Variants in FSIP1 observed in about 807,000 individuals in gnomAD.
The protein encoded by FSIP1 is fibrous sheath interacting protein 1, also known as fibrous sheath-interacting protein 1.
Under a neutral mutation model 60.9 loss-of-function variants are expected in FSIP1, and 65 were observed. The ratio of observed to expected loss-of-function variants is 1.07; its 90% confidence interval spans 0.87 to 1.31. The LOEUF is 1.31. Among genes scored for constraint, FSIP1 ranks in the 40% most tolerant of loss-of-function variants. The pLI, the probability that FSIP1 is intolerant of heterozygous loss-of-function variation, is 0.00. For synonymous variants in FSIP1, 209 were observed against 221.2 expected, an observed-to-expected ratio of 0.94 and a Z score of 0.49; for missense variants, 675 against 665.5, an observed-to-expected ratio of 1.01 and a Z score of -0.16.
chr15:39,723,094 T>G (rs1896047713), intron 9 of FSIP1, among the ~76,000 whole-genome samples: 1 of 152,196 alleles, frequency 6.6e-6, no homozygotes, highest in Non-Finnish European at 1.5e-5. Flanking sequence ...TTTATGTATA[T>G]TAACTCAGCT....
chr15:39,738,191 T>C lies in FSIP1; in HGVS notation c.791A>G (p.Glu264Gly). 6.2e-7 allele frequency: 1 copy of C among 1,607,038 alleles called. No individual in the cohort carries two copies. The highest frequency in any genetic ancestry group is 2.2e-5 in the East Asian group (1 of 44,818). ...AACCATAACCACTGGGTTTCTTGAT[T>C]CCTTGGCCAACTACAGAATTTATTA... is the stretch of plus-strand genomic sequence containing the variant. ...FIKRNIELAK[E>G]SRNPVVMVDR... is the part of the protein sequence containing the mutation. Residue 264 changes from glutamate to glycine, a missense_variant, in exon 8 of 12, where the codon GAA becomes GGA. Transcript: ENST00000350221.
At chr15:39,667,815 C>T (rs1453345366) in intron 10 of FSIP1, among the ~76,000 whole-genome samples, 1 of 152,056 alleles carries the variant, frequency 6.6e-6, no homozygotes, top group East Asian at 1.9e-4. Flanking sequence ...TAGGCAAAGG[C>T]CTGAAGCAAG....
intron 10 of FSIP1, among the ~76,000 whole-genome samples, chr15:39,637,248 G>T (rs1289336834): frequency 6.6e-6 from 1 of 152,062 alleles, no homozygotes; most frequent in African/African-American, 2.4e-5. Flanking sequence ...ATCAATCTAG[G>T]TTCTTACTTG....
intron 9 of FSIP1, among the ~76,000 whole-genome samples, chr15:39,723,310 G>A (rs529539440): frequency 1.2e-3 from 190 of 152,198 alleles, no homozygotes; most frequent in Non-Finnish European, 2.1e-3. Flanking sequence ...CTCACTGCAA[G>A]CTCTGCCTCC....
At position 39,628,514 on chromosome 15, in the gene FSIP1, G is replaced by A. The variant is rs117107138; in HGVS notation, c.1189-10269C>T. On this transcript the variant is annotated intron_variant, in intron 10 of 11. Coordinates refer to ENST00000350221, the MANE Select transcript of FSIP1 (RefSeq NM_152597.5). ...CCACTGAGGAATCAAAATGAGGTGC[G>A]AGGTGAGCCATGCACATGTGTGACA... 2.3e-3 allele frequency among the ~76,000 whole-genome samples: 350 copies of A among 152,274 alleles called. 3 individuals are homozygous for A. In the South Asian group the frequency reaches 0.026, roughly 11 times the overall value.
intron 10 of FSIP1, among the ~76,000 whole-genome samples, chr15:39,701,905 A>G (rs1286751847): frequency 6.6e-6 from 1 of 152,156 alleles, no homozygotes; most frequent in Non-Finnish European, 1.5e-5. Flanking sequence ...CTACGTTTAA[A>G]TTATTGTGTT....
chr15:39,766,547 C>T (rs1897696010), intron 3 of FSIP1, among the ~76,000 whole-genome samples: 2 of 152,184 alleles, frequency 1.3e-5, no homozygotes, highest in Non-Finnish European at 2.9e-5. Flanking sequence ...CTGAGTTACA[C>T]GTATGTCCAA....
intron 10 of FSIP1, among the ~76,000 whole-genome samples, chr15:39,629,069 G>C (rs567206171): frequency 4.3e-4 from 66 of 152,302 alleles, no homozygotes; most frequent in Admixed American, 1.2e-3. Context: ...ACTGAAGCCT[G>C]TACTTTCCAA....
chr15:39,668,330 G>A (rs1285172561), intron 10 of FSIP1, among the ~76,000 whole-genome samples: 3 of 151,944 alleles, frequency 2.0e-5, no homozygotes, highest in Non-Finnish European at 4.4e-5. Flanking sequence ...CCCCAGGTCT[G>A]TCTGGAGTGG....
At chr15:39,737,046 G>A (rs1172097808) in intron 8 of FSIP1, among the ~76,000 whole-genome samples, 1 of 152,150 alleles carries the variant, frequency 6.6e-6, no homozygotes, top group Non-Finnish European at 1.5e-5. Flanking sequence ...ATATGGGCAG[G>A]GGGCCAGCAG....
Position 39,713,949 on chromosome 15 carries a change from C to T in FSIP1, c.1051-368G>A, listed in dbSNP as rs374414097. On this transcript the variant is annotated intron_variant, in intron 9 of 11. Coordinates refer to ENST00000350221, the MANE Select transcript of FSIP1 (RefSeq NM_152597.5). ...TCATGTATAAATAAGAAGGAAAAAA[C>T]CCTGCCCATCCATATTATTAGAAGC... Among the ~76,000 whole-genome samples, 5 of 152,278 alleles carry T rather than the reference C, an allele frequency of 3.3e-5. 1 individual carries two copies. Among genetic ancestry groups the T allele is most frequent in the Admixed American group, 6.5e-5 (1 of 15,304 alleles).
In FSIP1 at chr15:39,765,241, CTTTTTTTT is replaced by C. The variant is rs71132116; in HGVS notation, c.465+343_465+350del. Among the ~76,000 whole-genome samples the C allele has an allele frequency of 3.5e-5, 4 of 115,168 alleles. No individual in the cohort carries two copies. In the South Asian group the frequency reaches 8.6e-4, roughly 25 times the overall value. The allele number at this position is 115,168 out of a possible 152,430, so 75.6% of individuals were successfully genotyped here. ...TTACTCATCTTAGAGGAAATTCTTTCTTTTTTTTTTTTTTTTTTTTGAGTGTCTTGCTC... is the reference window on the plus strand; with the variant it reads ...TTACTCATCTTAGAGGAAATTCTTTCTTTTTTTTTTTTGAGTGTCTTGCTC... On this transcript the variant is annotated intron_variant, in intron 4 of 11. Transcript: ENST00000350221.
intron 6 of FSIP1, among the ~76,000 whole-genome samples, chr15:39,740,295 T>A (rs1896760728): frequency 6.6e-6 from 1 of 150,614 alleles, no homozygotes; most frequent in South Asian, 2.1e-4. Flanking sequence ...CTAGCTCCCA[T>A]CTGCACAAAC....
chr15:39,665,546 G>A (rs1400052239), intron 10 of FSIP1, among the ~76,000 whole-genome samples: 1 of 152,164 alleles, frequency 6.6e-6, no homozygotes, highest in Admixed American at 6.5e-5. Context: ...TTTGTAATGA[G>A]AAAACGGAAA....
At chr15:39,684,068 G>T (rs1179594926) in intron 10 of FSIP1, among the ~76,000 whole-genome samples, 1 of 152,170 alleles carries the variant, frequency 6.6e-6, no homozygotes. Context: ...ATGATTTTCT[G>T]TAGGTACAGA....
chr15:39,770,305 T>C, intron 3 of FSIP1, 122 bp downstream of exon 3: 1 of 634,348 alleles, frequency 1.6e-6, no homozygotes. Context: ...GTCTTTTTTT[T>C]GGTTTATTAT....
rs1243027764 is a variant in FSIP1 at position 39,763,870 on chromosome 15, T to C, written c.510A>G (p.Glu170=). 6.2e-7 allele frequency: 1 copy of C among 1,602,250 alleles called. No homozygotes were observed. The highest frequency in any genetic ancestry group is 1.1e-5 in the South Asian group (1 of 90,590). The change falls in exon 5 of 12, where the codon GAA becomes GAG. Residue 170 remains glutamate, a synonymous_variant. Coordinates refer to ENST00000350221, the MANE Select transcript of FSIP1 (RefSeq NM_152597.5). ...TCAAAGATAAAAATTTTTTTGTATT[T>C]TCCATCTCCTCTTTACTTTGCCAAG... is the stretch of plus-strand genomic sequence containing the variant. ...SEAWQSKEEM[E]NTKKFLSLTA... is the part of the protein sequence containing the mutation.
rs112921734 is a variant in FSIP1, at chr15:39,744,547, G to A, written c.560-2647C>T. Among the ~76,000 whole-genome samples, 1,285 of 152,202 alleles carry A rather than the reference G, an allele frequency of 8.4e-3. 17 individuals are homozygous for A. Among genetic ancestry groups the A allele is most frequent in the African/African-American group, 0.029 (1,197 of 41,526 alleles). Reference sequence around the variant, plus strand: ...CAGCCCCTGGAGGTGAAATCCTGGAGGTGCATAGAGAACCTGAAGAGGCTG... The same window carrying A: ...CAGCCCCTGGAGGTGAAATCCTGGAAGTGCATAGAGAACCTGAAGAGGCTG... On this transcript the variant is annotated intron_variant, in intron 5 of 11. Transcript: ENST00000350221.
intron 10 of FSIP1, among the ~76,000 whole-genome samples, chr15:39,702,068 T>C (rs990964864): frequency 2.0e-5 from 3 of 152,128 alleles, no homozygotes; most frequent in African/African-American, 7.2e-5. Flanking sequence ...GTAACTCTCA[T>C]GGGGGACTTC....
Sources: allele counts gnomAD v4.1 joint callset (sites outside exome capture counted in the v4.1 genomes callset), GRCh38; gene constraint gnomAD v4.1.1; transcripts MANE v1.5; gene names NCBI Gene and HGNC (gene_info 2026-07-23, HGNC 2026-07-21).